The following CADPS variants were observed in gnomAD, a reference collection of about 807,000 sequenced individuals.
The protein encoded by CADPS is calcium-dependent secretion activator 1.
In CADPS, 57 loss-of-function variants were observed where a neutral mutation model predicts 167.3. The observed-to-expected ratio is 0.34, with a 90% CI of 0.28 to 0.42. The LOEUF (loss-of-function observed/expected upper bound fraction) is 0.42. Ranked by LOEUF, CADPS falls within the 20% of genes least tolerant of loss-of-function variation. CADPS has a pLI of 1.00. For synonymous variants in CADPS, 676 were observed against 635.3 expected (o/e 1.06, Z -0.96); for missense variants, 1,414 against 1,738.1 (o/e 0.81, Z 3.32).
chr3:62,430,454 G>A (rs1414115837), intron 28 of CADPS, among the ~76,000 whole-genome samples: 2 of 152,084 alleles, frequency 1.3e-5, no homozygotes, highest in African/African-American at 4.8e-5. Flanking sequence ...TTGGATGGTG[G>A]GAGTTAGAGA....
chr3:62,535,923 G>T (rs2074599517), intron 12 of CADPS: 1 of 151,798 alleles, frequency 6.6e-6, no homozygotes, highest in Non-Finnish European at 1.5e-5. Flanking sequence ...GTGAAAAAAT[G>T]CTGTGAATAT....
intron 1 of CADPS, among the ~76,000 whole-genome samples, chr3:62,791,046 G>A (rs193272206): frequency 1.2e-3 from 181 of 150,440 alleles, no homozygotes; most frequent in Non-Finnish European, 2.0e-3. Flanking sequence ...CAATATTTCT[G>A]TTTCCCATCA....
At chr3:62,513,835 G>A in intron 16 of CADPS, 1 of 612,752 alleles carries the variant, frequency 1.6e-6, no homozygotes, top group Non-Finnish European at 2.9e-6. Context: ...GATAAACACA[G>A]GATAAAAGAA....
intron 3 of CADPS, among the ~76,000 whole-genome samples, chr3:62,715,408 T>C (rs2084311947): frequency 1.1e-5 from 1 of 92,152 alleles, no homozygotes; most frequent in Non-Finnish European, 2.4e-5. Flanking sequence ...CTGTATTATA[T>C]ATAAATATAT....
At position 62,794,728 on chromosome 3, in the gene CADPS, T is replaced by G. The variant is rs535028318; in HGVS notation, c.442-28744A>C. 4.1e-5 allele frequency among the ~76,000 whole-genome samples: 6 copies of G among 147,042 alleles called. No homozygotes were observed. In the South Asian group the frequency reaches 1.3e-3, roughly 31 times the overall value. ...TGGGAGGGCCCCGCGGATACGTTTC[T>G]GTGGGCTAGAGAATCTGTTGTTCAT... is the stretch of plus-strand genomic sequence containing the variant. On this transcript the variant is annotated intron_variant, in intron 1 of 29. Transcript: ENST00000383710.
Position 62,540,894 on chromosome 3 carries a change from A to G in CADPS, c.1967-4313T>C, listed in dbSNP as rs143145247. On this transcript the variant is annotated intron_variant, in intron 11 of 29. Transcript: ENST00000383710. ...TTGATTAAAGAAAAAGAAAACTCCAATGTTGACATTAGCAGAGGGAAAACA... is the reference window on the plus strand; with the variant it reads ...TTGATTAAAGAAAAAGAAAACTCCAGTGTTGACATTAGCAGAGGGAAAACA... Among the ~76,000 whole-genome samples, 20 of 152,284 alleles carry G rather than the reference A, an allele frequency of 1.3e-4. No individual in the cohort carries two copies. In the East Asian group the frequency reaches 3.1e-3, roughly 24 times the overall value.
At chr3:62,820,343 A>T (rs1293904921) in intron 1 of CADPS, among the ~76,000 whole-genome samples, 1 of 152,198 alleles carries the variant, frequency 6.6e-6, no homozygotes, top group African/African-American at 2.4e-5. Context: ...ATAGAGAAAC[A>T]GACATTCACA....
chr3:62,736,743 C>A (rs938149263), intron 3 of CADPS, among the ~76,000 whole-genome samples: 2 of 152,200 alleles, frequency 1.3e-5, no homozygotes, highest in African/African-American at 4.8e-5. Context: ...TTATTTCTTT[C>A]TAGTGGATTT....
rs2078823735 is a variant in CADPS, at chr3:62,690,056, T to C, written c.889-27662A>G. Among the ~76,000 whole-genome samples the C allele has an allele frequency of 3.3e-5, 5 of 151,928 alleles. No individual in the cohort carries two copies. The South Asian group carries it at 6.2e-4, about 19-fold the overall frequency. On this transcript the variant is annotated intron_variant, in intron 3 of 29. Transcript: ENST00000383710. ...GGACTAGAGTCCCAAGCAGCTACCA[T>C]GTCAACCATGTTTGGAGTAAAGGTG...
chr3:62,588,504 A>G (rs1562535789), intron 7 of CADPS, among the ~76,000 whole-genome samples: 1 of 151,976 alleles, frequency 6.6e-6, no homozygotes, highest in Admixed American at 6.5e-5. Context: ...GAAAACAGGC[A>G]TTCTCTTATG....
At chr3:62,649,530 T>C (rs1167378401) in intron 5 of CADPS, among the ~76,000 whole-genome samples, 1 of 138,100 alleles carries the variant, frequency 7.2e-6, no homozygotes, top group Non-Finnish European at 1.5e-5. Flanking sequence ...AAGGGAATCA[T>C]ACAATATGTG....
At chr3:62,564,778 T>G (rs2079830641) in intron 9 of CADPS, among the ~76,000 whole-genome samples, 1 of 151,972 alleles carries the variant, frequency 6.6e-6, no homozygotes, top group Admixed American at 6.6e-5. Context: ...AGGTAATTTT[T>G]GTATTTTTAG....
At chr3:62,645,941 A>T in intron 5 of CADPS, 98 bp from the exon 6 acceptor site, 4 of 1,365,796 alleles carry the variant, frequency 2.9e-6, no homozygotes, top group Non-Finnish European at 4.1e-6. Flanking sequence ...GAGAAAACCA[A>T]CAGGTATCTG....
chr3:62,610,491 T>C (rs997262529), intron 6 of CADPS, among the ~76,000 whole-genome samples: 15 of 152,250 alleles, frequency 9.9e-5, no homozygotes, highest in Admixed American at 9.8e-4. Flanking sequence ...CCTCAAGTGA[T>C]CCACCCACCT....
chr3:62,484,155 T>C (rs1237712179), intron 21 of CADPS, among the ~76,000 whole-genome samples: 1 of 152,226 alleles, frequency 6.6e-6, no homozygotes, highest in African/African-American at 2.4e-5. Flanking sequence ...CCTTCTCTTT[T>C]TTTAATGCTC....
chr3:62,446,238 G>A lies in CADPS; in HGVS notation c.3637-441C>T, dbSNP rs981139346. Among the ~76,000 whole-genome samples the A allele has an allele frequency of 3.3e-5, 5 of 152,128 alleles. No individual in the cohort carries two copies. The highest frequency in any genetic ancestry group is 9.7e-5 in the African/African-American group (4 of 41,416). On this transcript the variant is annotated intron_variant, in intron 26 of 29. Transcript: ENST00000383710. This position sits in a 1 kb window ranked among gnomAD's most constrained non-coding sequence, Gnocchi z 4.9. ...CAGTTCTCAGCTTTCATTAACTCAG[G>A]TTTTTAAGAGGAAGATGGACATCCT...
At chr3:62,447,946 A>G (rs1294077440) in intron 26 of CADPS, among the ~76,000 whole-genome samples, 1 of 152,112 alleles carries the variant, frequency 6.6e-6, no homozygotes, top group African/African-American at 2.4e-5. Context: ...TTCATTTGCA[A>G]AACACTTCCA....
intron 1 of CADPS, among the ~76,000 whole-genome samples, chr3:62,832,636 C>G (rs1204815911): frequency 6.6e-6 from 1 of 152,222 alleles, no homozygotes; most frequent in African/African-American, 2.4e-5. Flanking sequence ...AAACGGAGAG[C>G]AGAGAAGAAT....
chr3:62,791,846 A>G (rs1191865501), intron 1 of CADPS, among the ~76,000 whole-genome samples: 1 of 152,230 alleles, frequency 6.6e-6, no homozygotes, highest in Non-Finnish European at 1.5e-5. Flanking sequence ...TTAAACAGAA[A>G]CAGTTTGTGA....
Sources: allele counts gnomAD v4.1 joint callset (sites outside exome capture counted in the v4.1 genomes callset), GRCh38; gene constraint gnomAD v4.1.1; non-coding constraint Gnocchi (gnomAD v3.1); transcripts MANE v1.5; gene names NCBI Gene and HGNC (gene_info 2026-07-23, HGNC 2026-07-21).